SV2B: variants seen among roughly 807,000 people sequenced by gnomAD.
SV2B encodes solute carrier family 22 member B2.
A neutral mutation model predicts 73.9 loss-of-function variants in SV2B; 41 were observed. The ratio of observed to expected loss-of-function variants is 0.56; its 90% CI spans 0.43 to 0.72. SV2B has a LOEUF of 0.72. SV2B is among the 30% of genes least tolerant of loss of function. SV2B has a pLI of 0.00. For synonymous variants in SV2B, 314 were observed against 314.2 expected (o/e 1.00, Z 0.01); for missense variants, 764 against 857.8 (o/e 0.89, Z 1.37).
intron 1 of SV2B, among the ~76,000 whole-genome samples, chr15:91,167,078 G>C (rs1265432743): frequency 6.6e-6 from 1 of 152,228 alleles, no homozygotes; most frequent in East Asian, 1.9e-4. Context: ...CTCCCAAAGT[G>C]CTGGGATTAC....
intron 2 of SV2B, among the ~76,000 whole-genome samples, chr15:91,238,145 C>T (rs1432081710): frequency 6.6e-6 from 1 of 152,182 alleles, no homozygotes; most frequent in Admixed American, 6.5e-5. Flanking sequence ...ACGAATAAAT[C>T]AGTTGTTTCC....
At chr15:91,248,247 G>A (rs2047328868) in intron 2 of SV2B, among the ~76,000 whole-genome samples, 1 of 152,114 alleles carries the variant, frequency 6.6e-6, no homozygotes, top group South Asian at 2.1e-4. Context: ...CGTGAACCCG[G>A]GAGGCGGAGC....
intron 1 of SV2B, among the ~76,000 whole-genome samples, chr15:91,181,127 T>G (rs1312770673): frequency 1.3e-5 from 2 of 152,244 alleles, no homozygotes; most frequent in Admixed American, 6.5e-5. Flanking sequence ...GACCCTCAGC[T>G]GCAGGTCTGT....
chr15:91,157,954 A>T (rs1400860812), intron 1 of SV2B, among the ~76,000 whole-genome samples: 1 of 152,104 alleles, frequency 6.6e-6, no homozygotes. Flanking sequence ...TGGTTCCAGG[A>T]ATGCAGGTGG....
chr15:91,160,196 GA>G (rs2043661531), intron 1 of SV2B, among the ~76,000 whole-genome samples: 1 of 152,104 alleles, frequency 6.6e-6, no homozygotes, highest in Non-Finnish European at 1.5e-5. Context: ...TATCTTTTTG[GA>G]AAGGTGGGGA....
chr15:91,186,302 C>G (rs990094074), intron 1 of SV2B, among the ~76,000 whole-genome samples: 3 of 119,156 alleles, frequency 2.5e-5, no homozygotes, highest in African/African-American at 9.5e-5. Context: ...ATGAACTATA[C>G]AGTTTATATT....
intron 1 of SV2B, among the ~76,000 whole-genome samples, chr15:91,173,491 C>T (rs2044196179): frequency 6.6e-6 from 1 of 152,152 alleles, no homozygotes; most frequent in Admixed American, 6.5e-5. Context: ...TCTGCAAAGG[C>T]TCTGTCATAG....
chr15:91,188,298 T>C (rs2141341244), intron 1 of SV2B, among the ~76,000 whole-genome samples: 1 of 60,616 alleles, frequency 1.6e-5, no homozygotes, highest in South Asian at 5.7e-4. Context: ...TTTATTTATT[T>C]ATTTATTTAT....
chr15:91,112,606 C>T (rs886177123), intron 1 of SV2B, among the ~76,000 whole-genome samples: 1 of 152,166 alleles, frequency 6.6e-6, no homozygotes, highest in South Asian at 2.1e-4. Flanking sequence ...ATCAGGGAAG[C>T]AGGATTTGCC....
intron 2 of SV2B, among the ~76,000 whole-genome samples, chr15:91,238,575 T>C (rs1024131950): frequency 6.6e-6 from 1 of 152,248 alleles, no homozygotes; most frequent in African/African-American, 2.4e-5. Flanking sequence ...AAGTGTGAAG[T>C]TGGCATTGGC....
intron 1 of SV2B, among the ~76,000 whole-genome samples, chr15:91,171,924 A>T (rs889774706): frequency 6.6e-6 from 1 of 152,184 alleles, no homozygotes; most frequent in African/African-American, 2.4e-5. Flanking sequence ...CATCTGCAGA[A>T]TCATCCTTCT....
At chr15:91,182,772 A>G (rs918830381) in intron 1 of SV2B, among the ~76,000 whole-genome samples, 7 of 152,220 alleles carry the variant, frequency 4.6e-5, no homozygotes, top group Non-Finnish European at 8.8e-5. Context: ...TTTCTCTACC[A>G]TTTTAAAAAA....
At chr15:91,165,448 T>C (rs1037467390) in intron 1 of SV2B, among the ~76,000 whole-genome samples, 10 of 152,248 alleles carry the variant, frequency 6.6e-5, no homozygotes, top group Non-Finnish European at 1.3e-4. Flanking sequence ...AGCACTTATA[T>C]TGTATTAGTT....
intron 9 of SV2B, among the ~76,000 whole-genome samples, chr15:91,279,131 C>G (rs2048600830): frequency 6.6e-6 from 1 of 152,214 alleles, no homozygotes; most frequent in African/African-American, 2.4e-5. Flanking sequence ...TCACCTCATA[C>G]TTTACCCAAC....
chr15:91,256,777 C>T (rs901575511), intron 4 of SV2B, among the ~76,000 whole-genome samples: 16 of 152,094 alleles, frequency 1.1e-4, no homozygotes, highest in East Asian at 1.9e-4. Flanking sequence ...ATTTCCACAC[C>T]GGGATTCCCT....
intron 1 of SV2B, among the ~76,000 whole-genome samples, chr15:91,165,685 C>T (rs1212827384): frequency 6.6e-6 from 1 of 152,190 alleles, no homozygotes; most frequent in Non-Finnish European, 1.5e-5. Flanking sequence ...GGTGATCTAT[C>T]TTCATAGACT....
Position 91,100,262 on chromosome 15 carries a change from G to C in SV2B, c.-493G>C, listed in dbSNP as rs1337060235. On this transcript the variant is annotated 5_prime_UTR_variant, in exon 1 of 13. Coordinates refer to ENST00000394232, the MANE Select transcript of SV2B (RefSeq NM_001323032.3). This position sits in a 1 kb window ranked among gnomAD's most constrained non-coding sequence, Gnocchi z 6.4. ...ACCCGCCGGCGCCTGCCTCCGCCCG[G>C]ATCGCCCAGCTCCGCGTTAGCCGGA... 6.6e-6 allele frequency: 1 copy of C among 152,106 alleles called. No individual in the cohort carries two copies. Among genetic ancestry groups the C allele is most frequent in the Non-Finnish European group, 1.5e-5 (1 of 68,000 alleles). The allele number at this position is 152,106 out of a possible 1,614,324, so 9.4% of individuals were successfully genotyped here.
At chr15:91,178,513 A>G (rs1596529851) in intron 1 of SV2B, among the ~76,000 whole-genome samples, 2 of 152,168 alleles carry the variant, frequency 1.3e-5, no homozygotes, top group African/African-American at 4.8e-5. Flanking sequence ...CTGTGAATCC[A>G]TCTGGTCCTG....
chr15:91,288,047 G>GA lies in SV2B; in HGVS notation c.1709-1471dup, dbSNP rs2048921027. Among the ~76,000 whole-genome samples, 1 of 152,130 alleles carries GA rather than the reference G, an allele frequency of 6.6e-6. No individual in the cohort carries two copies. The highest frequency in any genetic ancestry group is 1.5e-5 in the Non-Finnish European group (1 of 68,030). ...GCCACCTTCCCCTCCCAACTGATAAGAAAGTCCATGGGGTTAGCGTGTAGA... is the reference window on the plus strand; with the variant it reads ...GCCACCTTCCCCTCCCAACTGATAAGAAAAGTCCATGGGGTTAGCGTGTAGA... On this transcript the variant is annotated intron_variant, in intron 11 of 12. Coordinates refer to ENST00000394232, the MANE Select transcript of SV2B (RefSeq NM_001323032.3). This position sits in a 1 kb window ranked among gnomAD's most constrained non-coding sequence, Gnocchi z 5.8.
Sources: allele counts gnomAD v4.1 joint callset (sites outside exome capture counted in the v4.1 genomes callset), GRCh38; gene constraint gnomAD v4.1.1; non-coding constraint Gnocchi (gnomAD v3.1); transcripts MANE v1.5; gene names NCBI Gene and HGNC (gene_info 2026-07-23, HGNC 2026-07-21).